AK9: variants seen among roughly 807,000 people sequenced by gnomAD.
The protein encoded by AK9 is adenylate kinase domain containing 1.
A neutral mutation model predicts 239.6 loss-of-function variants in AK9; 191 were observed. The ratio of observed to expected loss-of-function variants is 0.80; its 90% confidence interval spans 0.71 to 0.90. AK9 has a LOEUF of 0.90. AK9 is among the 40% of genes least tolerant of loss of function. AK9 has a pLI of 0.00. For missense variants in AK9, 1,995 were observed against 2,214.7 expected (o/e 0.90, Z 1.99); for synonymous variants, 689 against 721.0 (o/e 0.96, Z 0.71).
At chr6:109,615,751 C>A (rs1794101774) in intron 13 of AK9, among the ~76,000 whole-genome samples, 1 of 152,080 alleles carries the variant, frequency 6.6e-6, no homozygotes, top group Admixed American at 6.6e-5. Flanking sequence ...GAAGTAATTT[C>A]CTTGCTATTT....
chr6:109,515,859 T>G lies in AK9; in HGVS notation c.4063A>C (p.Lys1355Gln), dbSNP rs747707940. The G allele has an allele frequency of 6.5e-7, 1 of 1,549,798 alleles. No homozygotes were observed. ...ISSFGYWDPV[K>Q]LSEGETIKPV... Reference sequence around the variant, plus strand: ...TCAGGTGCGTTTGCTGAAATTACCTTTACAGGGTCCCAATAGCCGAATGAG... The same window carrying G: ...TCAGGTGCGTTTGCTGAAATTACCTGTACAGGGTCCCAATAGCCGAATGAG... Residue 1355 changes from lysine (K) to glutamine (Q), a missense_variant and splice_region_variant, in exon 31 of 41, where the codon AAG becomes CAG. Around this residue, in one of 5 missense-constraint regions of AK9, gnomAD observed 1,290 missense variants for 1,392.7 expected, o/e 0.93. Transcript: ENST00000424296.
intron 17 of AK9, among the ~76,000 whole-genome samples, chr6:109,591,623 G>A (rs1311216463): frequency 6.6e-6 from 1 of 152,112 alleles, no homozygotes. Context: ...CTGCAAAGAG[G>A]TCTTATACTT....
intron 24 of AK9, among the ~76,000 whole-genome samples, chr6:109,559,167 G>GTGT (rs1785397474): frequency 6.9e-6 from 1 of 145,308 alleles, no homozygotes; most frequent in Non-Finnish European, 1.5e-5. Context: ...ATATCTATCT[G>GTGT]TTTTTTTTTT....
chr6:109,514,158 C>A, intron 32 of AK9, 66 bp downstream of exon 32: 2 of 1,409,612 alleles, frequency 1.4e-6, no homozygotes. Context: ...AATTGACCTG[C>A]CATGTGCATT....
At chr6:109,513,106 C>T (rs915489594) in intron 32 of AK9, among the ~76,000 whole-genome samples, 2 of 152,164 alleles carry the variant, frequency 1.3e-5, no homozygotes, top group African/African-American at 4.8e-5. Flanking sequence ...CTCAAGTAAT[C>T]CTCCCACCTT....
intron 24 of AK9, among the ~76,000 whole-genome samples, chr6:109,559,279 T>C (rs978938285): frequency 2.6e-5 from 4 of 152,126 alleles, no homozygotes; most frequent in African/African-American, 9.7e-5. Flanking sequence ...GCCATTCTCC[T>C]GCCTCAGCCT....
chr6:109,647,063 C>T (rs1348723686), intron 8 of AK9, among the ~76,000 whole-genome samples: 1 of 152,154 alleles, frequency 6.6e-6, no homozygotes, highest in Non-Finnish European at 1.5e-5. Context: ...ACCACCAGGC[C>T]CGCCTTACAA....
intron 8 of AK9, among the ~76,000 whole-genome samples, chr6:109,650,997 T>C (rs1262985777): frequency 1.3e-5 from 2 of 151,786 alleles, no homozygotes; most frequent in African/African-American, 2.4e-5. Context: ...AACCAAACAC[T>C]GCATGTTCTC....
Position 109,674,270 on chromosome 6 carries a change from GA to G in AK9, c.118-10del. ...GTTGTTTTCCCAACACCCTTAAAAA[GA>G]AAAATGTTATTTAAAGCCCAATAGA... On this transcript the variant is annotated splice_polypyrimidine_tract_variant and intron_variant, in intron 2 of 40. Coordinates refer to ENST00000424296, the MANE Select transcript of AK9 (RefSeq NM_001145128.3). The G allele has an allele frequency of 1.3e-6, 2 of 1,538,732 alleles. No homozygotes were observed. The highest frequency in any genetic ancestry group is 1.8e-6 in the Non-Finnish European group (2 of 1,142,018).
At chr6:109,521,097 C>T (rs1477644797) in intron 29 of AK9, among the ~76,000 whole-genome samples, 1 of 152,054 alleles carries the variant, frequency 6.6e-6, no homozygotes, top group African/African-American at 2.4e-5. Context: ...TTTCTCTTCA[C>T]TGATTGTTCT....
At chr6:109,497,435 C>T in intron 38 of AK9, 30 bp downstream of exon 38, 1 of 1,417,454 alleles carries the variant, frequency 7.1e-7, no homozygotes, top group Non-Finnish European at 1.0e-6. Flanking sequence ...CACAGATTTT[C>T]AGTAAATATT....
intron 5 of AK9, among the ~76,000 whole-genome samples, chr6:109,668,142 G>T (rs890446935): frequency 3.3e-5 from 5 of 152,224 alleles, no homozygotes; most frequent in African/African-American, 7.2e-5. Flanking sequence ...TGCATTTCTT[G>T]GACGGCCAGT....
chr6:109,643,349 T>C (rs1160583692), intron 9 of AK9, among the ~76,000 whole-genome samples: 1 of 152,178 alleles, frequency 6.6e-6, no homozygotes, highest in Admixed American at 6.5e-5. Flanking sequence ...CTGGGCATTA[T>C]ATTTGACTTT....
chr6:109,559,402 C>T (rs1012895509), intron 24 of AK9, among the ~76,000 whole-genome samples: 1 of 151,704 alleles, frequency 6.6e-6, no homozygotes, highest in Non-Finnish European at 1.5e-5. Flanking sequence ...CTCCTAACCT[C>T]GTGATCTGCC....
chr6:109,655,180 A>G (rs765065754), intron 8 of AK9, among the ~76,000 whole-genome samples: 31 of 152,196 alleles, frequency 2.0e-4, no homozygotes, highest in Non-Finnish European at 3.8e-4. Flanking sequence ...TTTGGGGTAT[A>G]AGAGTTCTTT....
Position 109,564,155 on chromosome 6 carries a change from T to C in AK9, c.2560A>G (p.Ile854Val). 6.4e-7 allele frequency: 1 copy of C among 1,551,502 alleles called. No homozygotes were observed. Among genetic ancestry groups the C allele is most frequent in the Non-Finnish European group, 8.7e-7 (1 of 1,146,900 alleles). The change falls in exon 23 of 41, where the codon ATT becomes GTT. Residue 854 changes from isoleucine to valine, a missense_variant. By Grantham distance (29) the Ile-to-Val change is conservative. Coordinates refer to ENST00000424296, the MANE Select transcript of AK9 (RefSeq NM_001145128.3). ...GCAATCTCCAAGTTTAAAATTTTAA[T>C]GTAAGCCTCACTAATTGTTGCTTCT... ...QLEATISEAY[I>V]KILNLEIADR...
At chr6:109,522,717 G>A (rs1044503223) in intron 29 of AK9, among the ~76,000 whole-genome samples, 4 of 152,056 alleles carry the variant, frequency 2.6e-5, no homozygotes, top group African/African-American at 9.6e-5. Flanking sequence ...GTTTATGTTG[G>A]TTTTTCCTTT....
At chr6:109,674,043 T>C (rs377161390) in intron 3 of AK9, among the ~76,000 whole-genome samples, 155 bp downstream of exon 3, 2 of 151,946 alleles carry the variant, frequency 1.3e-5, no homozygotes, top group Non-Finnish European at 2.9e-5. Flanking sequence ...ACTGGGTTGA[T>C]AGGTGGACAA....
intron 17 of AK9, among the ~76,000 whole-genome samples, chr6:109,600,088 G>T (rs771164778): frequency 3.3e-5 from 5 of 152,040 alleles, no homozygotes; most frequent in East Asian, 1.9e-4. Flanking sequence ...CTGCCTGATT[G>T]CCTTGGCCAG....
Sources: gnomAD v4.1 joint callset for allele counts (sites outside exome capture counted in the v4.1 genomes callset) on GRCh38, gnomAD v4.1.1 for gene constraint, gnomAD v4.1.1 regional missense constraint, MANE v1.5 for transcripts, NCBI Gene and HGNC (gene_info 2026-07-23, HGNC 2026-07-21) for gene names.